PTP4A2: variants seen among roughly 807,000 people sequenced by gnomAD.
The protein encoded by PTP4A2 is protein tyrosine phosphatase 4A2, also known as protein tyrosine phosphatase type IVA 2.
Under a neutral mutation model 22.9 loss-of-function variants are expected in PTP4A2, and 2 were observed. The ratio of observed to expected loss-of-function variants is 0.09; its 90% CI spans 0.04 to 0.27. PTP4A2 has a LOEUF of 0.27. Among genes scored for constraint, PTP4A2 ranks in the 10% least tolerant of loss-of-function variants. The probability of loss-of-function intolerance (pLI) is 1.00; values close to 1 mark genes in which losing one functional copy is unlikely to be tolerated. For missense variants in PTP4A2, 103 were observed against 205.1 expected, an observed-to-expected ratio of 0.50 and a Z score of 3.04; for synonymous variants, 68 against 69.1, an observed-to-expected ratio of 0.98 and a Z score of 0.08.
Position 31,930,288 on chromosome 1 carries a change from C to T in PTP4A2, c.-594+7699G>A, listed in dbSNP as rs6681930. Among the ~76,000 whole-genome samples, 695 of 151,786 alleles carry T rather than the reference C, an allele frequency of 4.6e-3. 4 individuals carry two copies. The highest frequency in any genetic ancestry group is 0.016 in the African/African-American group (651 of 41,366). ...CGGGGGGGCGGAACCTGCAGTGAGC[C>T]GAGATTGTGCCACTGCACTCCAACC... On this transcript the variant is annotated intron_variant, in intron 1 of 5. Transcript: ENST00000647444.
Position 31,919,479 on chromosome 1 carries a change from A to G in PTP4A2, c.-414T>C, listed in dbSNP as rs1652029054. On this transcript the variant is annotated 5_prime_UTR_variant, in exon 2 of 6. Transcript: ENST00000647444. ...GAAATATGCTTGCAATTAAAAAAAA[A>G]AAAAGCCAACTATTTCTGAGGCCAG... The G allele has an allele frequency of 6.5e-6, 1 of 153,212 alleles. No homozygotes were observed. Among genetic ancestry groups the G allele is most frequent in the Non-Finnish European group, 1.5e-5 (1 of 68,566 alleles). The allele number at this position is 153,212 out of a possible 1,614,324, so 9.5% of individuals were successfully genotyped here. A position where few individuals can be genotyped will look rare whatever the true frequency, so the allele number is the denominator to read the frequency against.
chr1:31,908,689 T>A lies in PTP4A2; in HGVS notation c.*163A>T, dbSNP rs1651370597. On this transcript the variant is annotated 3_prime_UTR_variant, in exon 6 of 6. Coordinates refer to ENST00000647444, the MANE Select transcript of PTP4A2 (RefSeq NM_080391.4). ...CATTTTATTCATTTTATAGAGAGAT[T>A]TCTTTTTTGTTTGCTTTTGTTCCAA... The A allele has an allele frequency of 9.2e-6, 4 of 437,016 alleles. No individual in the cohort carries two copies. The highest frequency in any genetic ancestry group is 1.2e-5 in the Non-Finnish European group (3 of 244,436). The allele number at this position is 437,016 out of a possible 1,614,324, so 27.1% of individuals were successfully genotyped here.
chr1:31,907,830 A>G lies in PTP4A2; in HGVS notation c.*1022T>C, dbSNP rs1467911628. Reference sequence around the variant, plus strand: ...AGCCCACAATTCTACAGGGTGTAAAAAGTACGCTCACTGCCTGGACATCTT... The same window carrying G: ...AGCCCACAATTCTACAGGGTGTAAAGAGTACGCTCACTGCCTGGACATCTT... On this transcript the variant is annotated 3_prime_UTR_variant, in exon 6 of 6. Coordinates refer to ENST00000647444, the MANE Select transcript of PTP4A2 (RefSeq NM_080391.4). 1 of 151,808 alleles carries G rather than the reference A, an allele frequency of 6.6e-6. No homozygotes were observed. Among genetic ancestry groups the G allele is most frequent in the African/African-American group, 2.4e-5 (1 of 41,308 alleles). The allele number at this position is 151,808 out of a possible 1,614,324, so 9.4% of individuals were successfully genotyped here.
chr1:31,924,901 A>T (rs1034119630), intron 1 of PTP4A2, among the ~76,000 whole-genome samples: 8 of 149,234 alleles, frequency 5.4e-5, no homozygotes, highest in African/African-American at 7.6e-5. Flanking sequence ...GATAAGGGAT[A>T]AAAAAAAAGA....
intron 1 of PTP4A2, among the ~76,000 whole-genome samples, chr1:31,926,149 A>AAAAAT (rs59088489): frequency 1.4e-4 from 18 of 131,350 alleles, no homozygotes; most frequent in African/African-American, 5.1e-4. Context: ...AAAAAAAAAA[A>AAAAAT]ATATATATAT....
intron 1 of PTP4A2, among the ~76,000 whole-genome samples, chr1:31,926,149 A>AAATAT (rs59088489): frequency 5.9e-4 from 77 of 131,342 alleles, no homozygotes; most frequent in African/African-American, 2.0e-3. Context: ...AAAAAAAAAA[A>AAATAT]ATATATATAT....
Position 31,915,927 on chromosome 1 carries a change from C to T in PTP4A2, c.157G>A (p.Ala53Thr). Residue 53 changes from alanine (A) to threonine (T), a missense_variant, in exon 3 of 6, where the codon GCT becomes ACT. By Grantham distance (58) the Ala-to-Thr change is moderately conservative. Coordinates refer to ENST00000647444, the MANE Select transcript of PTP4A2 (RefSeq NM_080391.4). ...TGGATTCCTTCTTTTTCAACTGGAG[C>T]TTTATCATATGTAGCATCACAAACT... The part of the protein sequence containing the change: ...VRVCDATYDK[A>T]PVEKEGIHVL... 1.2e-6 allele frequency: 2 copies of T among 1,606,714 alleles called. No individual in the cohort carries two copies. Among genetic ancestry groups the T allele is most frequent in the South Asian group, 1.1e-5 (1 of 90,060 alleles).
chr1:31,930,536 T>C (rs72664999), intron 1 of PTP4A2, among the ~76,000 whole-genome samples: 1,624 of 152,302 alleles, frequency 0.011, 14 homozygotes, highest in Non-Finnish European at 0.017. Flanking sequence ...CTTGTCAACA[T>C]AAATTATTTT....
Position 31,910,408 on chromosome 1 carries a change from G to A in PTP4A2, c.321-296C>T, listed in dbSNP as rs529170372. ...AAGCTCAGGTGATCCTCCTGCCTCA[G>A]TTCCTCAAATAGCTCGGACTATAGG... is the stretch of plus-strand genomic sequence containing the variant. On this transcript the variant is annotated intron_variant, in intron 4 of 5. Coordinates refer to ENST00000647444, the MANE Select transcript of PTP4A2 (RefSeq NM_080391.4). 5 of 244,946 alleles carry A rather than the reference G, an allele frequency of 2.0e-5. No homozygotes were observed. In the East Asian group the frequency reaches 3.2e-4, roughly 16 times the overall value. The allele number at this position is 244,946 out of a possible 1,614,324, so 15.2% of individuals were successfully genotyped here. A position where few individuals can be genotyped will look rare whatever the true frequency, so the allele number is the denominator to read the frequency against.
intron 3 of PTP4A2, among the ~76,000 whole-genome samples, chr1:31,913,408 A>ATT (rs1303926481): frequency 6.6e-6 from 1 of 152,036 alleles, no homozygotes; most frequent in African/African-American, 2.4e-5. Context: ...TTAATGACTT[A>ATT]TTTTCCTCTG....
At position 31,911,507 on chromosome 1, in the gene PTP4A2, C is replaced by T. The variant is rs187844402; in HGVS notation, c.320+189G>A. On this transcript the variant is annotated intron_variant, in intron 4 of 5. Transcript: ENST00000647444. ...AATCCAGGCTGGCATCAGAATCAGACAACCAGATGAAATGAACAGGCTCTT... is the reference window on the plus strand; with the variant it reads ...AATCCAGGCTGGCATCAGAATCAGATAACCAGATGAAATGAACAGGCTCTT... Among the ~76,000 whole-genome samples, 333 of 152,316 alleles carry T rather than the reference C, an allele frequency of 2.2e-3. 1 individual carries two copies. The South Asian group carries it at 0.023, about 11-fold the overall frequency.
intron 1 of PTP4A2, among the ~76,000 whole-genome samples, chr1:31,928,152 AAATT>A (rs937368025): frequency 1.5e-4 from 22 of 148,154 alleles, no homozygotes; most frequent in Admixed American, 7.4e-4. Flanking sequence ...ACTTAGATTT[AAATT>A]AATATTATAT....
intron 1 of PTP4A2, among the ~76,000 whole-genome samples, chr1:31,929,810 C>A (rs1652639104): frequency 6.6e-6 from 1 of 152,088 alleles, no homozygotes. Context: ...TGTAATAAAG[C>A]AAATTCAGTA....
At position 31,908,829 on chromosome 1, in the gene PTP4A2, T is replaced by C. The variant is rs1651377821; in HGVS notation, c.*23A>G. 5 of 1,547,298 alleles carry C rather than the reference T, an allele frequency of 3.2e-6. No individual in the cohort carries two copies. Among genetic ancestry groups the C allele is most frequent in the Non-Finnish European group, 4.5e-6 (5 of 1,123,322 alleles). ...GTTCCCTCTAAATGGCACAATCAAGTCAGCCTTCGTTTACATTTCCTTCTA... is the reference window on the plus strand; with the variant it reads ...GTTCCCTCTAAATGGCACAATCAAGCCAGCCTTCGTTTACATTTCCTTCTA... On this transcript the variant is annotated 3_prime_UTR_variant, in exon 6 of 6. Transcript: ENST00000647444.
chr1:31,922,612 TTC>T (rs1652223963), intron 1 of PTP4A2, among the ~76,000 whole-genome samples: 1 of 150,604 alleles, frequency 6.6e-6, no homozygotes, highest in South Asian at 2.1e-4. Context: ...CTTTCTTTCT[TTC>T]TTTCTTTCTT....
In PTP4A2 at chr1:31,930,231, G is replaced by A. The variant is rs533626122; in HGVS notation, c.-594+7756C>T. ...CGGGCGCCTGTAGTTCCAGCTACTA[G>A]GGAGGCTGAGGCAGGAGAATGGCGT... On this transcript the variant is annotated intron_variant, in intron 1 of 5. Coordinates refer to ENST00000647444, the MANE Select transcript of PTP4A2 (RefSeq NM_080391.4). 7.9e-5 allele frequency among the ~76,000 whole-genome samples: 12 copies of A among 152,246 alleles called. No homozygotes were observed. The South Asian group carries it at 2.3e-3, about 29-fold the overall frequency.
Position 31,938,084 on chromosome 1 carries a change from AGCGGTGGCGGCGGCG to A in PTP4A2, c.-706_-692del, listed in dbSNP as rs1653028898. On this transcript the variant is annotated 5_prime_UTR_variant, in exon 1 of 6. Transcript: ENST00000647444. This position sits in a 1 kb window ranked among gnomAD's most constrained non-coding sequence, Gnocchi z 4.4. ...CCTCGGCGGCGGCGGCGGCGGCGGT[AGCGGTGGCGGCGGCG>A]GCGACGACTCCCCCCCAGCCTCGGC... 7.0e-6 allele frequency: 1 copy of A among 142,908 alleles called. No homozygotes were observed. Among genetic ancestry groups the A allele is most frequent in the Non-Finnish European group, 1.5e-5 (1 of 68,212 alleles). 8.9% of individuals were successfully genotyped at this position (142,908 alleles called of 1,614,324 possible). A position where few individuals can be genotyped will look rare whatever the true frequency, so the allele number is the denominator to read the frequency against.
At chr1:31,928,180 T>C (rs1652553699) in intron 1 of PTP4A2, among the ~76,000 whole-genome samples, 1 of 147,010 alleles carries the variant, frequency 6.8e-6, no homozygotes, top group Non-Finnish European at 1.5e-5. Flanking sequence ...ATATAACAAA[T>C]ATATATTATA....
Position 31,906,755 on chromosome 1 carries a change from T to TACACACACACAC in PTP4A2, c.*2085_*2096dup, listed in dbSNP as rs140739232. 1 of 133,240 alleles carries TACACACACACAC rather than the reference T, an allele frequency of 7.5e-6. No homozygotes were observed. Among genetic ancestry groups the TACACACACACAC allele is most frequent in the African/African-American group, 2.9e-5 (1 of 33,990 alleles). 8.3% of individuals were successfully genotyped at this position (133,240 alleles called of 1,614,324 possible). A position where few individuals can be genotyped will look rare whatever the true frequency, so the allele number is the denominator to read the frequency against. On this transcript the variant is annotated 3_prime_UTR_variant, in exon 6 of 6. Coordinates refer to ENST00000647444, the MANE Select transcript of PTP4A2 (RefSeq NM_080391.4). The stretch of plus-strand genomic sequence containing the variant: ...GCGCGTGCACACACACACACACACA[T>TACACACACACAC]ACACACACACACACACACACACACA...
Sources: allele counts gnomAD v4.1 joint callset (sites outside exome capture counted in the v4.1 genomes callset), GRCh38; gene constraint gnomAD v4.1.1; non-coding constraint Gnocchi (gnomAD v3.1); transcripts MANE v1.5; gene names NCBI Gene and HGNC (gene_info 2026-07-23, HGNC 2026-07-21).